The following GRID1 variants were observed in gnomAD, a reference collection of about 807,000 sequenced individuals.
GRID1 encodes the protein glutamate receptor ionotropic, delta-1.
GRID1 carries 28 observed loss-of-function variants against 98.0 expected under a neutral mutation model. That is an observed-to-expected ratio of 0.29 (90% confidence interval 0.21 to 0.39). The LOEUF (loss-of-function observed/expected upper bound fraction) is 0.39. Among genes scored for constraint, GRID1 ranks in the 10% least tolerant of loss-of-function variants. The probability of loss-of-function intolerance (pLI) is 1.00; values close to 1 mark genes in which losing one functional copy is unlikely to be tolerated. For missense variants in GRID1, 1,111 were observed against 1,340.5 expected (o/e 0.83, Z 2.67); for synonymous variants, 553 against 538.5 (o/e 1.03, Z -0.37).
At chr10:85,993,590 C>G (rs368155702) in intron 4 of GRID1, among the ~76,000 whole-genome samples, 2 of 152,064 alleles carry the variant, frequency 1.3e-5, no homozygotes, top group Admixed American at 1.3e-4. Flanking sequence ...ACTCTATACA[C>G]AAGGAAAAGG....
At chr10:85,978,319 A>G (rs947078996) in intron 4 of GRID1, among the ~76,000 whole-genome samples, 1 of 152,240 alleles carries the variant, frequency 6.6e-6, no homozygotes, top group Non-Finnish European at 1.5e-5. Flanking sequence ...GCCCAAGCCG[A>G]AAAACATATT....
chr10:86,272,813 A>C (rs1018663848), intron 2 of GRID1, among the ~76,000 whole-genome samples: 6 of 152,212 alleles, frequency 3.9e-5, no homozygotes, highest in African/African-American at 1.2e-4. Context: ...AAGCTACATT[A>C]GGCATAGGGC....
intron 2 of GRID1, among the ~76,000 whole-genome samples, chr10:86,328,749 G>A (rs959944180): frequency 6.6e-6 from 1 of 152,098 alleles, no homozygotes; most frequent in Non-Finnish European, 1.5e-5. Flanking sequence ...CTCTATGTGT[G>A]CTTGGCAAGA....
At chr10:86,177,592 C>A (rs927739806) in intron 3 of GRID1, among the ~76,000 whole-genome samples, 2 of 150,834 alleles carry the variant, frequency 1.3e-5, no homozygotes, top group Non-Finnish European at 3.0e-5. Context: ...GAGACAGAGA[C>A]AGTGTGTGTG....
intron 3 of GRID1, among the ~76,000 whole-genome samples, chr10:86,163,481 T>TATACATATGC (rs1211742297): frequency 1.3e-5 from 2 of 151,978 alleles, no homozygotes; most frequent in African/African-American, 4.8e-5. Flanking sequence ...GCTACATATG[T>TATACATATGC]ATACATATGC....
At chr10:85,991,322 C>G (rs1842677453) in intron 4 of GRID1, among the ~76,000 whole-genome samples, 1 of 152,116 alleles carries the variant, frequency 6.6e-6, no homozygotes, top group African/African-American at 2.4e-5. Context: ...AGGGGAGGAG[C>G]AAAGTAGAGA....
chr10:85,727,767 GT>G, intron 10 of GRID1, 87 bp downstream of exon 10: 2 of 975,640 alleles, frequency 2.0e-6, no homozygotes, highest in Non-Finnish European at 3.3e-6. Context: ...TGGTCCCAAG[GT>G]TTCCACTGTG....
At chr10:86,287,878 T>C (rs1163129479) in intron 2 of GRID1, among the ~76,000 whole-genome samples, 1 of 151,730 alleles carries the variant, frequency 6.6e-6, no homozygotes, top group Non-Finnish European at 1.5e-5. Flanking sequence ...GTGGCTGGCA[T>C]CAGGATCACT....
intron 8 of GRID1, among the ~76,000 whole-genome samples, chr10:85,775,042 C>T (rs1325852939): frequency 6.6e-6 from 1 of 152,056 alleles, no homozygotes; most frequent in African/African-American, 2.4e-5. Context: ...TTTATTGAGG[C>T]ACTATTCACA....
At position 85,647,710 on chromosome 10, in the gene GRID1, T is replaced by C. The variant is rs572225163; in HGVS notation, c.1998-313A>G. 13 of 279,628 alleles carry C rather than the reference T, an allele frequency of 4.6e-5. No individual in the cohort carries two copies. The East Asian group carries it at 6.0e-4, about 13-fold the overall frequency. 17.3% of individuals were successfully genotyped at this position (279,628 alleles called of 1,614,324 possible). On this transcript the variant is annotated intron_variant, in intron 12 of 15. Coordinates refer to ENST00000327946, the MANE Select transcript of GRID1 (RefSeq NM_017551.3). ...ATGATTCCTGCCTTCAAGGAGTTTA[T>C]AGTCCAGCTATAGAAGCAAACATAT...
intron 2 of GRID1, among the ~76,000 whole-genome samples, chr10:86,248,951 T>C (rs1487847065): frequency 6.6e-6 from 1 of 152,144 alleles, no homozygotes; most frequent in African/African-American, 2.4e-5. Flanking sequence ...GTGCAGGACC[T>C]AGGAAACAGG....
intron 5 of GRID1, among the ~76,000 whole-genome samples, chr10:85,903,442 C>T (rs1431079478): frequency 6.6e-6 from 1 of 152,126 alleles, no homozygotes; most frequent in Non-Finnish European, 1.5e-5. Flanking sequence ...TCCATACTAC[C>T]CCATAGTCCA....
At chr10:85,788,885 A>C (rs1842453617) in intron 8 of GRID1, among the ~76,000 whole-genome samples, 1 of 152,190 alleles carries the variant, frequency 6.6e-6, no homozygotes, top group Non-Finnish European at 1.5e-5. Flanking sequence ...AATAAAACTA[A>C]GCTAGAGAAC....
chr10:85,706,856 T>C (rs905673268), intron 12 of GRID1, among the ~76,000 whole-genome samples: 1 of 152,174 alleles, frequency 6.6e-6, no homozygotes, highest in Non-Finnish European at 1.5e-5. Context: ...AAACAAGTAA[T>C]GGGGAAAGGA....
chr10:85,706,153 G>A (rs889143342), intron 12 of GRID1, among the ~76,000 whole-genome samples: 22 of 152,158 alleles, frequency 1.4e-4, no homozygotes, highest in African/African-American at 5.1e-4. Context: ...ATTAAATCAG[G>A]AAAAGAGGAA....
intron 5 of GRID1, among the ~76,000 whole-genome samples, chr10:85,901,396 G>T (rs184593547): frequency 2.6e-5 from 4 of 151,962 alleles, no homozygotes; most frequent in Admixed American, 1.3e-4. Flanking sequence ...ACAGGTGCCC[G>T]CCACCATGCC....
rs548809255 is a variant in GRID1, at chr10:85,959,199, A to G, written c.727-42960T>C. 7.1e-4 allele frequency among the ~76,000 whole-genome samples: 108 copies of G among 152,134 alleles called. 1 individual carries two copies. Among genetic ancestry groups the G allele is most frequent in the African/African-American group, 2.4e-3 (100 of 41,486 alleles). ...TGCCTGAGCCAATTCCTTATAATGA[A>G]TCTCTTCTTCTATGTGTATGTGTAC... is the stretch of plus-strand genomic sequence containing the variant. On this transcript the variant is annotated intron_variant, in intron 4 of 15. Coordinates refer to ENST00000327946, the MANE Select transcript of GRID1 (RefSeq NM_017551.3).
intron 4 of GRID1, among the ~76,000 whole-genome samples, chr10:86,128,213 G>A (rs1405932094): frequency 1.3e-5 from 2 of 152,122 alleles, no homozygotes; most frequent in African/African-American, 4.8e-5. Flanking sequence ...TGGGAGGAGA[G>A]GGACATCCTT....
At chr10:85,972,489 T>C (rs1270188458) in intron 4 of GRID1, among the ~76,000 whole-genome samples, 5 of 148,576 alleles carry the variant, frequency 3.4e-5, no homozygotes, top group African/African-American at 1.2e-4. Context: ...AATATATTTA[T>C]ATATTTAATT....
Sources: gnomAD v4.1 joint callset for allele counts (sites outside exome capture counted in the v4.1 genomes callset) on GRCh38, gnomAD v4.1.1 for gene constraint, MANE v1.5 for transcripts, NCBI Gene and HGNC (gene_info 2026-07-23, HGNC 2026-07-21) for gene names.